The following DTNA variants were observed in gnomAD, a reference collection of about 807,000 sequenced individuals.
DTNA encodes dystrophin-related protein 3.
A neutral mutation model predicts 100.7 loss-of-function variants in DTNA; 43 were observed. That is an observed-to-expected ratio of 0.43 (90% CI 0.33 to 0.55). The LOEUF is 0.55. DTNA is among the 20% of genes least tolerant of loss of function. The pLI, the probability that DTNA is intolerant of heterozygous loss-of-function variation, is 0.04. For synonymous variants in DTNA, 349 were observed against 347.9 expected, an observed-to-expected ratio of 1.00 and a Z score of -0.04; for missense variants, 798 against 953.9, an observed-to-expected ratio of 0.84 and a Z score of 2.15.
At chr18:34,551,136 T>C (rs2045364656) in intron 1 of DTNA, among the ~76,000 whole-genome samples, 1 of 152,224 alleles carries the variant, frequency 6.6e-6, no homozygotes, top group Admixed American at 6.5e-5. Flanking sequence ...GCTCTCCTGA[T>C]GGATCTGTCT....
At chr18:34,825,545 G>T (rs1198284994) in intron 9 of DTNA, among the ~76,000 whole-genome samples, 1 of 152,174 alleles carries the variant, frequency 6.6e-6, no homozygotes. Flanking sequence ...TGAGCCATTT[G>T]TTAGATAAGG....
intron 1 of DTNA, among the ~76,000 whole-genome samples, chr18:34,577,583 C>G (rs8085009): frequency 1.3e-5 from 2 of 152,168 alleles, no homozygotes; most frequent in South Asian, 4.1e-4. Flanking sequence ...ATCCCTCACC[C>G]TCTTTCCACC....
At chr18:34,533,354 A>G (rs894034039) in intron 1 of DTNA, among the ~76,000 whole-genome samples, 1 of 151,240 alleles carries the variant, frequency 6.6e-6, no homozygotes, top group African/African-American at 2.4e-5. Flanking sequence ...CTGGGAGACA[A>G]GAGTGAAACT....
chr18:34,555,861 G>A (rs190677795), intron 1 of DTNA, among the ~76,000 whole-genome samples: 185 of 152,284 alleles, frequency 1.2e-3, no homozygotes, highest in Non-Finnish European at 1.3e-3. Context: ...ATTTGGAGTG[G>A]AGAGTTCTTA....
Position 34,827,461 on chromosome 18 carries a change from A to G in DTNA, c.1002-132A>G, listed in dbSNP as rs1790526. 0.1 allele frequency: 84,225 copies of G among 812,392 alleles called. 4,889 individuals carry two copies. The highest frequency in any genetic ancestry group is 0.11 in the South Asian group (8,064 of 70,862). The allele number at this position is 812,392 out of a possible 1,614,324, so 50.3% of individuals were successfully genotyped here. On this transcript the variant is annotated intron_variant, in intron 9 of 22. Coordinates refer to ENST00000444659, the MANE Select transcript of DTNA (RefSeq NM_001386795.1). ...TTAAGGAATTTAATTGGAAAATATA[A>G]GATTTCTTGTTGATCCTGGGAAAGG...
chr18:34,860,471 C>T (rs2096610308), intron 16 of DTNA, among the ~76,000 whole-genome samples: 1 of 152,068 alleles, frequency 6.6e-6, no homozygotes, highest in South Asian at 2.1e-4. Flanking sequence ...TGCAGAAACC[C>T]TTGTCAGAAT....
intron 1 of DTNA, among the ~76,000 whole-genome samples, chr18:34,526,614 A>T (rs1437274652): frequency 6.6e-6 from 1 of 152,132 alleles, no homozygotes; most frequent in East Asian, 1.9e-4. Context: ...TAATCAAATA[A>T]ATACTTATTC....
intron 1 of DTNA, among the ~76,000 whole-genome samples, chr18:34,553,250 T>A (rs2045650415): frequency 6.6e-6 from 1 of 151,902 alleles, no homozygotes; most frequent in African/African-American, 2.4e-5. Flanking sequence ...TGTAAATTTG[T>A]TTGAGTTCAT....
At chr18:34,612,076 G>A (rs1453831182) in intron 1 of DTNA, among the ~76,000 whole-genome samples, 1 of 152,154 alleles carries the variant, frequency 6.6e-6, no homozygotes, top group Non-Finnish European at 1.5e-5. Flanking sequence ...CAGCTGACAC[G>A]GGCCACCGCG....
intron 13 of DTNA, among the ~76,000 whole-genome samples, chr18:34,839,248 GA>G (rs1356676742): frequency 1.3e-5 from 2 of 152,142 alleles, no homozygotes; most frequent in Non-Finnish European, 2.9e-5. Flanking sequence ...ACTTAAGAGT[GA>G]AAAAGAGAAA....
intron 4 of DTNA, among the ~76,000 whole-genome samples, chr18:34,798,141 A>G (rs928779349): frequency 1.3e-5 from 2 of 152,096 alleles, no homozygotes; most frequent in African/African-American, 4.8e-5. Context: ...CTGGGACTAC[A>G]GGCGTGCACC....
In DTNA at chr18:34,795,784, C is replaced by T. The variant is rs1468020138; in HGVS notation, c.362+1534C>T. Among the ~76,000 whole-genome samples the T allele has an allele frequency of 2.6e-5, 4 of 152,084 alleles. No homozygotes were observed. In the South Asian group the frequency reaches 8.3e-4, roughly 32 times the overall value. ...TTTGCACCCACTCCATAAATATAGACCAGAAACCAGACTAACAATAAGGAA... is the reference window on the plus strand; with the variant it reads ...TTTGCACCCACTCCATAAATATAGATCAGAAACCAGACTAACAATAAGGAA... On this transcript the variant is annotated intron_variant, in intron 4 of 22. Coordinates refer to ENST00000444659, the MANE Select transcript of DTNA (RefSeq NM_001386795.1).
intron 1 of DTNA, among the ~76,000 whole-genome samples, chr18:34,539,715 G>A (rs2044067074): frequency 1.3e-5 from 2 of 151,898 alleles, no homozygotes; most frequent in African/African-American, 4.8e-5. Flanking sequence ...TCCTTTTAGG[G>A]TAGGGTGTTT....
At chr18:34,808,275 T>C (rs1185357979) in intron 5 of DTNA, among the ~76,000 whole-genome samples, 1 of 152,042 alleles carries the variant, frequency 6.6e-6, no homozygotes, top group Non-Finnish European at 1.5e-5. Context: ...CTTTGTTCAG[T>C]GTAAGATTTC....
chr18:34,774,433 A>T (rs1006000203), intron 3 of DTNA, among the ~76,000 whole-genome samples: 1 of 152,240 alleles, frequency 6.6e-6, no homozygotes, highest in Non-Finnish European at 1.5e-5. Flanking sequence ...CACACCTGAG[A>T]TTCCATCTGA....
At chr18:34,759,721 G>A (rs1204256072) in intron 2 of DTNA, among the ~76,000 whole-genome samples, 3 of 152,050 alleles carry the variant, frequency 2.0e-5, no homozygotes, top group African/African-American at 4.8e-5. Context: ...TCACTCTGTC[G>A]CCCAGGCTGG....
chr18:34,761,572 A>G (rs1196704741), intron 2 of DTNA, among the ~76,000 whole-genome samples: 1 of 152,216 alleles, frequency 6.6e-6, no homozygotes, highest in Non-Finnish European at 1.5e-5. Context: ...AAAGGGCTAA[A>G]GAAAGGAAAA....
Position 34,882,071 on chromosome 18 carries a change from T to A in DTNA, c.2165T>A (p.Val722Asp). The A allele has an allele frequency of 6.2e-7, 1 of 1,614,100 alleles. No individual in the cohort carries two copies. The highest frequency in any genetic ancestry group is 8.5e-7 in the Non-Finnish European group (1 of 1,179,978). The change falls in exon 21 of 23, where the codon GTT (valine) becomes GAT (aspartate). Residue 722 changes from valine (V) to aspartate (D), a missense_variant and splice_region_variant. Val to Asp is a radical substitution (Grantham distance 152). This residue lies in a region of DTNA where 242 missense variants were observed against 238.2 expected (regional missense o/e 1.02). Coordinates refer to ENST00000444659, the MANE Select transcript of DTNA (RefSeq NM_001386795.1). Reference sequence around the variant, plus strand: ...TGTCATCTGTGGTTTATTTTCAGGGTTACGGAGGATGCAGATCCCTATGTG... The same window carrying A: ...TGTCATCTGTGGTTTATTTTCAGGGATACGGAGGATGCAGATCCCTATGTG... Reference protein sequence around the residue: ...ATTSTMRGDMVTEDADPYVQP... With the variant: ...ATTSTMRGDMDTEDADPYVQP...
intron 3 of DTNA, 112 bp from the exon 4 acceptor site, chr18:34,793,925 C>T (rs2094858412): frequency 9.1e-7 from 1 of 1,097,772 alleles, no homozygotes; most frequent in Non-Finnish European, 1.4e-6. Context: ...CCCCCTGCAA[C>T]AGCTGCACAC....
Sources: gnomAD v4.1 joint callset for allele counts (sites outside exome capture counted in the v4.1 genomes callset) on GRCh38, gnomAD v4.1.1 for gene constraint, gnomAD v4.1.1 regional missense constraint, MANE v1.5 for transcripts, NCBI Gene and HGNC (gene_info 2026-07-23, HGNC 2026-07-21) for gene names.